Variants in MGMT observed in about 807,000 individuals in gnomAD.
The protein encoded by MGMT is methylated-DNA--protein-cysteine methyltransferase.
In MGMT, 14 loss-of-function variants were observed where a neutral mutation model predicts 15.9. That is an observed-to-expected ratio of 0.88 (90% CI 0.58 to 1.37). The LOEUF (loss-of-function observed/expected upper bound fraction) is 1.37, where lower values mean the gene tolerates loss of function less well. Among genes scored for constraint, MGMT ranks in the 40% most tolerant of loss-of-function variants. MGMT has a pLI of 0.00. For synonymous variants in MGMT, 130 were observed against 118.2 expected, an observed-to-expected ratio of 1.10 and a Z score of -0.65; for missense variants, 282 against 268.1, an observed-to-expected ratio of 1.05 and a Z score of -0.36.
chr10:129,764,952 C>T (rs933831552), intron 4 of MGMT, among the ~76,000 whole-genome samples: 2 of 152,126 alleles, frequency 1.3e-5, no homozygotes, highest in East Asian at 1.9e-4. Context: ...AGGCAGTAAG[C>T]GATCGTTAGG....
intron 3 of MGMT, among the ~76,000 whole-genome samples, chr10:129,724,240 C>G (rs1232784378): frequency 1.3e-5 from 2 of 152,080 alleles, no homozygotes; most frequent in Admixed American, 6.6e-5. Flanking sequence ...CACACAGCCT[C>G]GTGGATGAGT....
chr10:129,704,761 G>T (rs1848139936), intron 2 of MGMT, among the ~76,000 whole-genome samples: 1 of 151,640 alleles, frequency 6.6e-6, no homozygotes, highest in Admixed American at 6.6e-5. Context: ...GCCCCTATGT[G>T]CATCTCACCC....
rs1010514431 is a variant in MGMT, at chr10:129,590,815, G to A, written c.125+54438G>A. The stretch of plus-strand genomic sequence containing the variant: ...CAATCACAATCTTGATTTTATTACC[G>A]AGGGGGACCCCTCGTGAGGAATATG... On this transcript the variant is annotated intron_variant, in intron 2 of 4. Transcript: ENST00000651593. Among the ~76,000 whole-genome samples the A allele has an allele frequency of 5.9e-5, 9 of 152,242 alleles. No homozygotes were observed. The South Asian group carries it at 8.3e-4, about 14-fold the overall frequency.
intron 2 of MGMT, among the ~76,000 whole-genome samples, chr10:129,644,141 G>A (rs1196140281): frequency 6.6e-6 from 1 of 152,148 alleles, no homozygotes; most frequent in African/African-American, 2.4e-5. Context: ...ATTCATTTTA[G>A]GGGGTTATGG....
At chr10:129,698,442 T>C (rs1848057798) in intron 2 of MGMT, among the ~76,000 whole-genome samples, 1 of 152,186 alleles carries the variant, frequency 6.6e-6, no homozygotes, top group Non-Finnish European at 1.5e-5. Context: ...TCTGTGCAAG[T>C]TTTCAACAAT....
chr10:129,638,566 AT>A (rs1177592207), intron 2 of MGMT, among the ~76,000 whole-genome samples: 2 of 152,102 alleles, frequency 1.3e-5, no homozygotes, highest in Non-Finnish European at 2.9e-5. Flanking sequence ...CAGTGGTCAT[AT>A]TGGCTTCAGA....
chr10:129,599,723 A>G (rs903467647), intron 2 of MGMT, among the ~76,000 whole-genome samples: 4 of 152,178 alleles, frequency 2.6e-5, no homozygotes, highest in Admixed American at 6.5e-5. Flanking sequence ...AGGGAGTTCT[A>G]TAACTGAATG....
At chr10:129,658,855 A>G (rs1455970121) in intron 2 of MGMT, among the ~76,000 whole-genome samples, 1 of 152,104 alleles carries the variant, frequency 6.6e-6, no homozygotes, top group Non-Finnish European at 1.5e-5. Context: ...CGCGTGCCCA[A>G]CCCTAAGGCT....
chr10:129,539,287 G>A (rs1270853036), intron 2 of MGMT, among the ~76,000 whole-genome samples: 2 of 151,914 alleles, frequency 1.3e-5, no homozygotes, highest in Non-Finnish European at 2.9e-5. Flanking sequence ...TTACCTTTTT[G>A]TGAGGTACAG....
At chr10:129,551,986 G>A (rs1846162636) in intron 2 of MGMT, among the ~76,000 whole-genome samples, 1 of 152,206 alleles carries the variant, frequency 6.6e-6, no homozygotes, top group Non-Finnish European at 1.5e-5. Context: ...TGGGGCTCAG[G>A]CTCTGTCTGT....
At chr10:129,477,145 C>T (rs1237475856) in intron 1 of MGMT, among the ~76,000 whole-genome samples, 1 of 152,162 alleles carries the variant, frequency 6.6e-6, no homozygotes, top group Non-Finnish European at 1.5e-5. Flanking sequence ...CCTCAGGGAA[C>T]CTCTTCTGAC....
At chr10:129,514,013 A>G (rs549412856) in intron 1 of MGMT, among the ~76,000 whole-genome samples, 60 of 152,350 alleles carry the variant, frequency 3.9e-4, no homozygotes, top group African/African-American at 1.4e-3. Flanking sequence ...ATTCTTGACA[A>G]CCAGCATTTT....
intron 2 of MGMT, among the ~76,000 whole-genome samples, chr10:129,669,535 T>C (rs1401371724): frequency 6.6e-6 from 1 of 152,242 alleles, no homozygotes; most frequent in Non-Finnish European, 1.5e-5. Context: ...TAAAATTTTA[T>C]TAAATTCTTC....
At position 129,668,428 on chromosome 10, in the gene MGMT, A is replaced by G. The variant is rs181140609; in HGVS notation, c.126-39467A>G. Among the ~76,000 whole-genome samples, 112 of 152,242 alleles carry G rather than the reference A, an allele frequency of 7.4e-4. 1 individual carries two copies. Among genetic ancestry groups the G allele is most frequent in the Admixed American group, 3.0e-3 (46 of 15,278 alleles). ...CCTTTACAGTTATGATTTCAGTTGC[A>G]GTTGGTTTTGTTTTTTGTTGTTTGG... On this transcript the variant is annotated intron_variant, in intron 2 of 4. Transcript: ENST00000651593.
At chr10:129,470,812 C>T (rs1201139985) in intron 1 of MGMT, among the ~76,000 whole-genome samples, 2 of 152,176 alleles carry the variant, frequency 1.3e-5, no homozygotes, top group African/African-American at 4.8e-5. Flanking sequence ...AAGGAGGCCT[C>T]GTGTCCCCTT....
chr10:129,749,511 A>T (rs1848730436), intron 3 of MGMT, among the ~76,000 whole-genome samples: 1 of 152,064 alleles, frequency 6.6e-6, no homozygotes, highest in Non-Finnish European at 1.5e-5. Flanking sequence ...ATAGTTGTTT[A>T]TCCGTTCACC....
intron 2 of MGMT, among the ~76,000 whole-genome samples, chr10:129,579,077 A>G (rs1846521741): frequency 6.6e-6 from 1 of 152,118 alleles, no homozygotes; most frequent in South Asian, 2.1e-4. Context: ...TTTCTGTTAT[A>G]TTGACCTAAC....
rs562108551 is a variant in MGMT at position 129,586,764 on chromosome 10, G to A, written c.125+50387G>A. On this transcript the variant is annotated intron_variant, in intron 2 of 4. Transcript: ENST00000651593. ...GTAAACACCTAGGAGTGGATCCTAT[G>A]GGCAATGGGTGTTTAGCATTTTAAA... Among the ~76,000 whole-genome samples, 667 of 152,306 alleles carry A rather than the reference G, an allele frequency of 4.4e-3. 6 individuals carry two copies. The highest frequency in any genetic ancestry group is 4.7e-3 in the Non-Finnish European group (317 of 68,024).
intron 2 of MGMT, among the ~76,000 whole-genome samples, chr10:129,678,301 G>T (rs777907236): frequency 6.6e-6 from 1 of 152,106 alleles, no homozygotes; most frequent in Non-Finnish European, 1.5e-5. Flanking sequence ...TCCTGCAGGT[G>T]CAGGAGCTTG....
Sources: allele counts gnomAD v4.1 joint callset (sites outside exome capture counted in the v4.1 genomes callset), GRCh38; gene constraint gnomAD v4.1.1; transcripts MANE v1.5; gene names NCBI Gene and HGNC (gene_info 2026-07-23, HGNC 2026-07-21).